Variants in NLGN1 observed in about 807,000 individuals in gnomAD.
The protein encoded by NLGN1 is neuroligin-1.
A neutral mutation model predicts 65.5 loss-of-function variants in NLGN1; 12 were observed. That is an observed-to-expected ratio of 0.18 (90% CI 0.12 to 0.30). The LOEUF (loss-of-function observed/expected upper bound fraction) is 0.30. Among genes scored for constraint, NLGN1 ranks in the 10% least tolerant of loss-of-function variants. The pLI is 1.00. For synonymous variants in NLGN1, 350 were observed against 359.5 expected (o/e 0.97, Z 0.30); for missense variants, 750 against 1,007.1 (o/e 0.74, Z 3.46).
At chr3:173,876,934 A>G in intron 4 of NLGN1, among the ~76,000 whole-genome samples, 1 of 152,200 alleles carries the variant, frequency 6.6e-6, no homozygotes, top group Non-Finnish European at 1.5e-5. Flanking sequence ...TGAGGGAAAT[A>G]GAAAATCAGC....
At chr3:174,245,423 G>T (rs1330199708) in intron 4 of NLGN1, among the ~76,000 whole-genome samples, 1 of 151,974 alleles carries the variant, frequency 6.6e-6, no homozygotes, top group African/African-American at 2.4e-5. Context: ...AAAACTATTG[G>T]AAAAATATTT....
chr3:173,823,963 A>G (rs1578631318), intron 4 of NLGN1, among the ~76,000 whole-genome samples: 2 of 151,734 alleles, frequency 1.3e-5, no homozygotes, highest in East Asian at 1.9e-4. Context: ...TGTTAGGAAA[A>G]CACTTCGTTA....
At chr3:174,117,531 G>T (rs1365905681) in intron 4 of NLGN1, among the ~76,000 whole-genome samples, 17 of 151,662 alleles carry the variant, frequency 1.1e-4, no homozygotes, top group Non-Finnish European at 1.5e-5. Context: ...TGAGGCAGGA[G>T]AAAGGCGTGA....
intron 4 of NLGN1, among the ~76,000 whole-genome samples, chr3:173,820,189 A>G (rs1719979626): frequency 6.6e-6 from 1 of 151,866 alleles, no homozygotes; most frequent in African/African-American, 2.4e-5. Context: ...GAAAAAAAAA[A>G]AAAAAAAAAA....
At chr3:174,052,203 A>G (rs1735047197) in intron 4 of NLGN1, among the ~76,000 whole-genome samples, 1 of 152,006 alleles carries the variant, frequency 6.6e-6, no homozygotes, top group South Asian at 2.1e-4. Context: ...TGTCATTTCA[A>G]TCTGGGGGGA....
intron 2 of NLGN1, among the ~76,000 whole-genome samples, chr3:173,503,958 A>G (rs1173828319): frequency 1.5e-4 from 23 of 152,012 alleles, no homozygotes; most frequent in Non-Finnish European, 1.5e-5. Flanking sequence ...CGCTGAAGAG[A>G]AGAAATAACA....
chr3:173,432,272 C>T (rs1335488891), intron 1 of NLGN1, among the ~76,000 whole-genome samples: 8 of 152,238 alleles, frequency 5.3e-5, no homozygotes, highest in African/African-American at 1.2e-4. Flanking sequence ...TCATCGGGTA[C>T]GAGTATAAGT....
chr3:173,969,054 CAAG>C (rs746622826), intron 4 of NLGN1, among the ~76,000 whole-genome samples: 54 of 130,176 alleles, frequency 4.1e-4, no homozygotes, highest in Non-Finnish European at 7.7e-4. Context: ...AAAGAATATG[CAAG>C]AAGATTTAAA....
At chr3:173,652,396 T>C (rs997675754) in intron 3 of NLGN1, among the ~76,000 whole-genome samples, 1 of 152,218 alleles carries the variant, frequency 6.6e-6, no homozygotes, top group African/African-American at 2.4e-5. Flanking sequence ...TTTGATAGTT[T>C]CGGGTCTTAC....
intron 2 of NLGN1, among the ~76,000 whole-genome samples, chr3:173,594,855 G>T (rs890831746): frequency 2.6e-5 from 4 of 152,222 alleles, no homozygotes; most frequent in African/African-American, 9.6e-5. Context: ...AAGGCTTGGG[G>T]CTTGCACCCT....
At chr3:173,813,094 A>G (rs1279197961) in intron 4 of NLGN1, among the ~76,000 whole-genome samples, 1 of 152,006 alleles carries the variant, frequency 6.6e-6, no homozygotes, top group Non-Finnish European at 1.5e-5. Flanking sequence ...ATGGATTAGT[A>G]AGGATATAGT....
chr3:174,106,493 A>G (rs955034571), intron 4 of NLGN1, among the ~76,000 whole-genome samples: 6 of 152,100 alleles, frequency 3.9e-5, no homozygotes, highest in African/African-American at 1.4e-4. Context: ...TCACATATTC[A>G]AAGAAATTAA....
chr3:174,093,757 C>A (rs1183988035), intron 4 of NLGN1, among the ~76,000 whole-genome samples: 1 of 152,140 alleles, frequency 6.6e-6, no homozygotes, highest in African/African-American at 2.4e-5. Context: ...TTCAGGCAAT[C>A]CTTTTAGCCA....
chr3:173,399,387 C>T (rs1180447541), intron 1 of NLGN1, among the ~76,000 whole-genome samples: 1 of 152,206 alleles, frequency 6.6e-6, no homozygotes, highest in Non-Finnish European at 1.5e-5. Flanking sequence ...TTCCCATTGT[C>T]TCCCTTCTTC....
At chr3:174,087,778 T>A (rs1743708853) in intron 4 of NLGN1, among the ~76,000 whole-genome samples, 1 of 152,236 alleles carries the variant, frequency 6.6e-6, no homozygotes, top group South Asian at 2.1e-4. Flanking sequence ...CATCACTCAA[T>A]GAATTTCCCT....
intron 4 of NLGN1, among the ~76,000 whole-genome samples, chr3:174,188,032 TAA>T (rs1289852635): frequency 7.2e-5 from 11 of 152,004 alleles, no homozygotes; most frequent in Admixed American, 7.2e-4. Context: ...ATAGTAAAAT[TAA>T]GACTTTTATA....
At position 173,411,312 on chromosome 3, in the gene NLGN1, G is replaced by A. The variant is rs75247613; in HGVS notation, c.-390+12825G>A. Among the ~76,000 whole-genome samples the A allele has an allele frequency of 5.4e-3, 827 of 152,288 alleles. 3 individuals are homozygous for A. Among genetic ancestry groups the A allele is most frequent in the Non-Finnish European group, 9.1e-3 (622 of 68,014 alleles). On this transcript the variant is annotated intron_variant, in intron 1 of 6. Transcript: ENST00000457714. Reference sequence around the variant, plus strand: ...TGTGAGTAGGACTTACATTGAAAGAGTGGTCATCAGAGAGAACTATGGACC... The same window carrying A: ...TGTGAGTAGGACTTACATTGAAAGAATGGTCATCAGAGAGAACTATGGACC...
intron 3 of NLGN1, among the ~76,000 whole-genome samples, chr3:173,656,242 T>TTGTAATATC (rs1428333570): frequency 6.6e-6 from 1 of 152,092 alleles, no homozygotes; most frequent in Non-Finnish European, 1.5e-5. Flanking sequence ...GCCTAAAACT[T>TTGTAATATC]TGTAATATCA....
intron 4 of NLGN1, among the ~76,000 whole-genome samples, chr3:174,256,222 T>C (rs1292556796): frequency 6.6e-6 from 1 of 152,200 alleles, no homozygotes; most frequent in Non-Finnish European, 1.5e-5. Flanking sequence ...AGATATACTC[T>C]GTTTATTCAG....
Sources: allele counts gnomAD v4.1 joint callset (sites outside exome capture counted in the v4.1 genomes callset), GRCh38; gene constraint gnomAD v4.1.1; transcripts MANE v1.5; gene names NCBI Gene and HGNC (gene_info 2026-07-23, HGNC 2026-07-21).